The following CRAMP1 variants were observed in gnomAD, a reference collection of about 807,000 sequenced individuals.
The protein encoded by CRAMP1 is protein cramped-like.
Under a neutral mutation model 115.4 loss-of-function variants are expected in CRAMP1, and 50 were observed. That is an observed-to-expected ratio of 0.43 (90% confidence interval 0.35 to 0.55). CRAMP1 has a LOEUF of 0.55. Among genes scored for constraint, CRAMP1 ranks in the 20% least tolerant of loss-of-function variants. The pLI is 0.01. For missense variants in CRAMP1, 1,679 were observed against 1,721.7 expected (o/e 0.98, Z 0.44); for synonymous variants, 866 against 745.4 (o/e 1.16, Z -2.64).
chr16:1,615,367 T>TGG (rs1204840704), intron 2 of CRAMP1, among the ~76,000 whole-genome samples: 1 of 151,838 alleles, frequency 6.6e-6, no homozygotes, highest in Non-Finnish European at 1.5e-5. Context: ...CATCAGGCGG[T>TGG]GGAAATGCAC....
intron 13 of CRAMP1, among the ~76,000 whole-genome samples, chr16:1,663,842 A>G (rs1441911925): frequency 6.6e-6 from 1 of 151,182 alleles, no homozygotes; most frequent in Non-Finnish European, 1.5e-5. Context: ...TTTTCCACAT[A>G]ATATTTTTGT....
At chr16:1,624,369 C>T (rs1379985381) in intron 2 of CRAMP1, among the ~76,000 whole-genome samples, 1 of 151,906 alleles carries the variant, frequency 6.6e-6, no homozygotes, top group African/African-American at 2.4e-5. Context: ...CTGTGATTAT[C>T]TCATTAGGAA....
At position 1,637,921 on chromosome 16, in the gene CRAMP1, C is replaced by T. The variant is rs760653114; in HGVS notation, c.778+14C>T. On this transcript the variant is annotated intron_variant, in intron 5 of 20. Transcript: ENST00000397412. The stretch of plus-strand genomic sequence containing the variant: ...AGATTGGGGGCTGTGAGTACGCTGA[C>T]TGTGGGGTTGCCCACGGCTCCTCCT... The T allele has an allele frequency of 6.9e-7, 1 of 1,453,814 alleles. No homozygotes were observed. The highest frequency in any genetic ancestry group is 1.4e-5 in the South Asian group (1 of 72,404). 90.1% of individuals were successfully genotyped at this position (1,453,814 alleles called of 1,614,324 possible).
chr16:1,664,778 C>CA (rs60337080), intron 13 of CRAMP1, among the ~76,000 whole-genome samples: 5,046 of 106,868 alleles, frequency 0.047, 236 homozygotes, highest in Admixed American at 0.18. Context: ...GACACCGTCT[C>CA]AAAAAAAAAA....
intron 10 of CRAMP1, among the ~76,000 whole-genome samples, chr16:1,658,109 G>T (rs2076416): frequency 3.3e-5 from 5 of 152,076 alleles, no homozygotes; most frequent in African/African-American, 9.7e-5. Flanking sequence ...ACCCCCAGCC[G>T]GTGCAGGGCT....
At chr16:1,648,562 A>G (rs2036695944) in intron 6 of CRAMP1, among the ~76,000 whole-genome samples, 1 of 150,244 alleles carries the variant, frequency 6.7e-6, no homozygotes, top group African/African-American at 2.5e-5. Context: ...CCGAGATTGC[A>G]CCGCTGCACT....
chr16:1,651,174 C>T (rs963841910), intron 6 of CRAMP1, among the ~76,000 whole-genome samples: 4 of 151,566 alleles, frequency 2.6e-5, no homozygotes, highest in African/African-American at 7.3e-5. Flanking sequence ...ACTGAGGTCA[C>T]GGAGAGGTGG....
chr16:1,618,841 G>A (rs1208542978), intron 2 of CRAMP1, among the ~76,000 whole-genome samples: 1 of 152,076 alleles, frequency 6.6e-6, no homozygotes, highest in African/African-American at 2.4e-5. Flanking sequence ...CTCCAGCCTG[G>A]GTGACACAAC....
chr16:1,650,466 A>G (rs1222436040), intron 6 of CRAMP1, among the ~76,000 whole-genome samples: 4 of 152,262 alleles, frequency 2.6e-5, no homozygotes, highest in Non-Finnish European at 4.4e-5. Flanking sequence ...ATGCATAAAT[A>G]TAAGTCTTAA....
intron 6 of CRAMP1, among the ~76,000 whole-genome samples, chr16:1,642,369 C>T (rs895371208): frequency 6.6e-5 from 10 of 152,218 alleles, no homozygotes; most frequent in African/African-American, 2.2e-4. Context: ...GCATGATTCC[C>T]AGGCTGTGTG....
In CRAMP1 at chr16:1,659,991, C is replaced by CGCT. The variant is rs1431289494; in HGVS notation, c.2344_2346dup (p.Cys782dup). The CGCT allele has an allele frequency of 6.2e-7, 1 of 1,605,832 alleles. No homozygotes were observed. The highest frequency in any genetic ancestry group is 1.3e-5 in the African/African-American group (1 of 74,936). On this transcript the variant is annotated inframe_insertion, in exon 11 of 21. Transcript: ENST00000397412. ...GGTGACCGTCAGCTCTCGCAGCCCC[C>CGCT]GCTGCCCTCGGAACCAGGCCTCCCT...
chr16:1,662,534 A>G lies in CRAMP1; in HGVS notation c.2458A>G (p.Ser820Gly). 1 of 1,613,996 alleles carries G rather than the reference A, an allele frequency of 6.2e-7. No individual in the cohort carries two copies. The highest frequency in any genetic ancestry group is 8.5e-7 in the Non-Finnish European group (1 of 1,179,870). The change falls in exon 12 of 21, where the codon AGC becomes GGC. Residue 820 changes from serine (S) to glycine (G), a missense_variant. Ser to Gly is a moderately conservative substitution (Grantham distance 56). Coordinates refer to ENST00000397412, the MANE Select transcript of CRAMP1 (RefSeq NM_020825.4). ...PRPLLVPGPS[S>G]TGSNDSDGGL... Reference sequence around the variant, plus strand: ...ACCCCTCTTGGTGCCTGGTCCCTCCAGCACAGGAAGCAATGACTCAGATGG... The same window carrying G: ...ACCCCTCTTGGTGCCTGGTCCCTCCGGCACAGGAAGCAATGACTCAGATGG...
chr16:1,651,164 A>G (rs947156151), intron 6 of CRAMP1, among the ~76,000 whole-genome samples: 1 of 152,062 alleles, frequency 6.6e-6, no homozygotes, highest in Non-Finnish European at 1.5e-5. Flanking sequence ...GAAAAGGTGG[A>G]CTGAGGTCAC....
At chr16:1,643,146 T>TAC (rs1190800021) in intron 6 of CRAMP1, among the ~76,000 whole-genome samples, 1 of 152,118 alleles carries the variant, frequency 6.6e-6, no homozygotes, top group Non-Finnish European at 1.5e-5. Flanking sequence ...GATTATGGGC[T>TAC]GCGTGATAGA....
In CRAMP1 at chr16:1,667,358, C is replaced by G; in HGVS notation, c.3060C>G (p.Ile1020Met). 6.2e-7 allele frequency: 1 copy of G among 1,613,298 alleles called. No individual in the cohort carries two copies. Among genetic ancestry groups the G allele is most frequent in the African/African-American group, 1.3e-5 (1 of 75,024 alleles). ...TVGGSDPFVSIPSRPEQEPVA... is the reference protein window; with the variant it reads ...TVGGSDPFVSMPSRPEQEPVA... Reference sequence around the variant, plus strand: ...AGGGCTCCGACCCATTTGTCAGCATCCCTTCGAGGCCTGAGCAGGAGCCAG... The same window carrying G: ...AGGGCTCCGACCCATTTGTCAGCATGCCTTCGAGGCCTGAGCAGGAGCCAG... Residue 1020 changes from isoleucine to methionine, a missense_variant, in exon 17 of 21, where the codon ATC becomes ATG. Transcript: ENST00000397412.
rs903117300 is a variant in CRAMP1, at chr16:1,656,295, C to A, written c.1538C>A (p.Pro513His). The change falls in exon 10 of 21, where the codon CCT becomes CAT. Residue 513 changes from proline (P) to histidine (H), a missense_variant. Physicochemically the swap from Pro to His is moderately conservative, Grantham distance 77. Around this residue, in one of 8 missense-constraint regions of CRAMP1, gnomAD observed 405 missense variants for 302.6 expected, o/e 1.34. Transcript: ENST00000397412. The surrounding 1 kb of genome is among the most constrained non-coding windows in gnomAD (Gnocchi z 5.6). ...LSSPDAPDRP[P>H]PRHQDTGPCL... ...AGCCCGGACGCTCCTGACAGGCCTC[C>A]TCCCAGGCACCAGGACACTGGGCCA... is the stretch of plus-strand genomic sequence containing the variant. 1.2e-6 allele frequency: 2 copies of A among 1,611,904 alleles called. No homozygotes were observed. The highest frequency in any genetic ancestry group is 1.7e-6 in the Non-Finnish European group (2 of 1,179,688).
intron 3 of CRAMP1, among the ~76,000 whole-genome samples, chr16:1,630,752 T>G (rs1249909344): frequency 6.6e-6 from 1 of 152,242 alleles, no homozygotes; most frequent in Non-Finnish European, 1.5e-5. Context: ...GTTGATGACC[T>G]CAACACTTGT....
chr16:1,660,740 C>G (rs924303094), intron 11 of CRAMP1, among the ~76,000 whole-genome samples: 2 of 152,246 alleles, frequency 1.3e-5, no homozygotes, highest in Non-Finnish European at 2.9e-5. Flanking sequence ...GGCACAGTGG[C>G]TGATGCCTGT....
In CRAMP1 at chr16:1,633,241, T is replaced by C. The variant is rs2036560652; in HGVS notation, c.694+876T>C. On this transcript the variant is annotated intron_variant, in intron 4 of 20. Coordinates refer to ENST00000397412, the MANE Select transcript of CRAMP1 (RefSeq NM_020825.4). ...TGGGTGGGTTATGGCATCTTGACCA[T>C]GGTGCATCAGCTTTGCCCGGAGCTT... Among the ~76,000 whole-genome samples the C allele has an allele frequency of 2.0e-5, 3 of 152,218 alleles. No homozygotes were observed. The South Asian group carries it at 6.2e-4, about 31-fold the overall frequency.
Sources: gnomAD v4.1 joint callset for allele counts (sites outside exome capture counted in the v4.1 genomes callset) on GRCh38, gnomAD v4.1.1 for gene constraint, gnomAD v4.1.1 regional missense constraint, Gnocchi (gnomAD v3.1) non-coding constraint, MANE v1.5 for transcripts, NCBI Gene and HGNC (gene_info 2026-07-23, HGNC 2026-07-21) for gene names.